ERC2: variants seen among roughly 807,000 people sequenced by gnomAD.
ERC2 encodes ERC protein 2.
In ERC2, 42 loss-of-function variants were observed where a neutral mutation model predicts 114.8. The observed-to-expected ratio is 0.37, with a 90% CI of 0.29 to 0.47. The LOEUF is 0.47. Ranked by LOEUF, ERC2 falls within the 20% of genes least tolerant of loss-of-function variation. The probability of loss-of-function intolerance (pLI) is 0.99; values close to 1 mark genes in which losing one functional copy is unlikely to be tolerated. For synonymous variants in ERC2, 454 were observed against 425.5 expected (o/e 1.07, Z -0.82); for missense variants, 939 against 1,150.7 (o/e 0.82, Z 2.66).
At chr3:55,582,671 G>A (rs1454945858) in intron 17 of ERC2, among the ~76,000 whole-genome samples, 1 of 152,152 alleles carries the variant, frequency 6.6e-6, no homozygotes, top group Non-Finnish European at 1.5e-5. Flanking sequence ...CTTCTGCAGG[G>A]CTCTGACCAG....
chr3:55,941,925 T>A (rs933393750), intron 13 of ERC2, among the ~76,000 whole-genome samples: 5 of 152,186 alleles, frequency 3.3e-5, no homozygotes, highest in Non-Finnish European at 7.3e-5. Flanking sequence ...TGATAGAATA[T>A]CCTGTTATAA....
intron 14 of ERC2, among the ~76,000 whole-genome samples, chr3:55,831,662 C>G (rs1013634848): frequency 3.9e-5 from 6 of 152,174 alleles, no homozygotes; most frequent in African/African-American, 1.4e-4. Context: ...CTCCGGTCTA[C>G]AGCTCCCAGC....
chr3:55,534,599 G>A (rs2053875594), intron 17 of ERC2, among the ~76,000 whole-genome samples: 1 of 152,056 alleles, frequency 6.6e-6, no homozygotes, highest in Admixed American at 6.5e-5. Flanking sequence ...GGGAGGCTGA[G>A]GTGGGAGGAT....
chr3:55,931,626 T>C (rs1436929624), intron 13 of ERC2, among the ~76,000 whole-genome samples: 2 of 152,014 alleles, frequency 1.3e-5, no homozygotes, highest in Non-Finnish European at 2.9e-5. Context: ...AGGGGAGGGA[T>C]AGCATTAGGA....
intron 17 of ERC2, among the ~76,000 whole-genome samples, chr3:55,533,051 T>C (rs2053767192): frequency 6.6e-6 from 1 of 152,260 alleles, no homozygotes; most frequent in African/African-American, 2.4e-5. Flanking sequence ...CTGTCAGGAC[T>C]GGCTAACCTG....
intron 17 of ERC2, among the ~76,000 whole-genome samples, chr3:55,523,764 GCTAA>G (rs2053124831): frequency 1.3e-5 from 2 of 152,194 alleles, no homozygotes; most frequent in East Asian, 1.9e-4. Context: ...GAAGAAGAGA[GCTAA>G]CTAAGTTCAT....
chr3:56,137,025 T>C (rs1055445216), intron 6 of ERC2, among the ~76,000 whole-genome samples: 4 of 152,204 alleles, frequency 2.6e-5, no homozygotes, highest in African/African-American at 7.2e-5. Context: ...GTCACCACTG[T>C]CTTTTTCATG....
rs549365707 is a variant in ERC2, at chr3:55,671,773, G to A, written c.*39+12021C>T. ...CAGTGGTGGTAGCTCCACCTGCTTG[G>A]AAAATGGCTCATCCTATAGTCCAAG... is the stretch of plus-strand genomic sequence containing the variant. On this transcript the variant is annotated intron_variant, in intron 17 of 17. Transcript: ENST00000288221. Among the ~76,000 whole-genome samples, 9 of 152,230 alleles carry A rather than the reference G, an allele frequency of 5.9e-5. No homozygotes were observed. The South Asian group carries it at 1.2e-3, about 21-fold the overall frequency.
intron 2 of ERC2, among the ~76,000 whole-genome samples, chr3:56,323,254 T>A (rs1437250821): frequency 6.6e-6 from 1 of 152,130 alleles, no homozygotes; most frequent in Non-Finnish European, 1.5e-5. Context: ...TCATCACATG[T>A]GTGTGATGAA....
At chr3:56,351,718 T>C (rs774502249) in intron 2 of ERC2, among the ~76,000 whole-genome samples, 1 of 152,136 alleles carries the variant, frequency 6.6e-6, no homozygotes, top group Non-Finnish European at 1.5e-5. Context: ...AGTGCACAGA[T>C]GTAGCTCTGG....
chr3:56,082,438 T>G (rs1314635604), intron 6 of ERC2, among the ~76,000 whole-genome samples: 1 of 152,080 alleles, frequency 6.6e-6, no homozygotes, highest in East Asian at 1.9e-4. Context: ...AGACATAAAT[T>G]TCTGTTGTTT....
intron 3 of ERC2, among the ~76,000 whole-genome samples, chr3:56,260,865 C>A: frequency 6.6e-6 from 1 of 152,222 alleles, no homozygotes; most frequent in South Asian, 2.1e-4. Context: ...ACCCACAACC[C>A]TTTAGTGGCA....
In ERC2 at chr3:55,987,861, G is replaced by A. The variant is rs1384683683; in HGVS notation, c.2256-1873C>T. Among the ~76,000 whole-genome samples, 5 of 152,086 alleles carry A rather than the reference G, an allele frequency of 3.3e-5. No homozygotes were observed. In the East Asian group the frequency reaches 5.8e-4, roughly 18 times the overall value. On this transcript the variant is annotated intron_variant, in intron 11 of 17. Transcript: ENST00000288221. ...TTTCCATTCTGATGTTATGTCTTAC[G>A]AGTGGAACCCCCAGGGATCCAGCCT...
chr3:56,398,140 G>T (rs1044850623), intron 2 of ERC2, among the ~76,000 whole-genome samples: 3 of 152,176 alleles, frequency 2.0e-5, no homozygotes, highest in African/African-American at 4.8e-5. Flanking sequence ...AATAGAATTG[G>T]AAATAATACA....
chr3:56,456,541 T>C (rs1302744990), intron 1 of ERC2, among the ~76,000 whole-genome samples: 1 of 152,214 alleles, frequency 6.6e-6, no homozygotes, highest in Non-Finnish European at 1.5e-5. Flanking sequence ...CCCTAAAGCT[T>C]TTTTCCAACA....
chr3:56,445,969 C>T (rs1323582212), intron 1 of ERC2, among the ~76,000 whole-genome samples: 1 of 151,882 alleles, frequency 6.6e-6, no homozygotes, highest in Non-Finnish European at 1.5e-5. Flanking sequence ...AGCTGACTGG[C>T]CAAGGGTCAT....
chr3:55,897,215 C>T (rs2149337049), intron 13 of ERC2, among the ~76,000 whole-genome samples: 1 of 152,270 alleles, frequency 6.6e-6, no homozygotes, highest in South Asian at 2.1e-4. Flanking sequence ...AGTTATCTGC[C>T]AGGACCCCAC....
At chr3:56,342,019 C>A (rs1278583203) in intron 2 of ERC2, among the ~76,000 whole-genome samples, 1 of 152,184 alleles carries the variant, frequency 6.6e-6, no homozygotes, top group Non-Finnish European at 1.5e-5. Context: ...TACCAATGAT[C>A]TTAGAACCTG....
chr3:56,342,538 G>T (rs11130516), intron 2 of ERC2, among the ~76,000 whole-genome samples: 47,571 of 151,982 alleles, frequency 0.31, 7,588 homozygotes, highest in Admixed American at 0.34. Flanking sequence ...TCAAATCCTT[G>T]AGTGTGCTCC....
Sources: allele counts gnomAD v4.1 joint callset (sites outside exome capture counted in the v4.1 genomes callset), GRCh38; gene constraint gnomAD v4.1.1; transcripts MANE v1.5; gene names NCBI Gene and HGNC (gene_info 2026-07-23, HGNC 2026-07-21).